The following FGD3 variants were observed in gnomAD, a reference collection of about 807,000 sequenced individuals.
FGD3 encodes FYVE, RhoGEF and PH domain-containing protein 3.
A neutral mutation model predicts 71.8 loss-of-function variants in FGD3; 45 were observed. That is an observed-to-expected ratio of 0.63 (90% CI 0.49 to 0.80). The LOEUF (loss-of-function observed/expected upper bound fraction) is 0.80. Ranked by LOEUF, FGD3 falls within the 30% of genes least tolerant of loss-of-function variation. The pLI, the probability that FGD3 is intolerant of heterozygous loss-of-function variation, is 0.00. For synonymous variants in FGD3, 378 were observed against 392.8 expected, an observed-to-expected ratio of 0.96 and a Z score of 0.44; for missense variants, 844 against 951.5, an observed-to-expected ratio of 0.89 and a Z score of 1.49.
At chr9:93,011,018 A>C (rs921100921) in intron 7 of FGD3, among the ~76,000 whole-genome samples, 196 bp from the exon 8 acceptor site, 4 of 151,952 alleles carry the variant, frequency 2.6e-5, no homozygotes, top group Non-Finnish European at 4.4e-5. Context: ...TTGGCCCCAG[A>C]AGGGATGTGT....
intron 1 of FGD3, among the ~76,000 whole-genome samples, chr9:92,968,211 C>T (rs1335263312): frequency 6.6e-6 from 1 of 152,116 alleles, no homozygotes; most frequent in Non-Finnish European, 1.5e-5. Context: ...ACAGTCACAG[C>T]GTCATGCCAG....
At position 92,993,744 on chromosome 9, in the gene FGD3, C is replaced by T. The variant is rs866403317; in HGVS notation, c.454-9181C>T. 4.7e-4 allele frequency among the ~76,000 whole-genome samples: 71 copies of T among 152,158 alleles called. 1 individual carries two copies. Among genetic ancestry groups the T allele is most frequent in the Non-Finnish European group, 2.4e-4 (16 of 68,036 alleles). ...GGTTTTCCGTCCTTGCGATAGTTTG[C>T]TCAGAATGATGGTTTCCAGCTTCAT... On this transcript the variant is annotated intron_variant, in intron 3 of 17. Coordinates refer to ENST00000375482, the MANE Select transcript of FGD3 (RefSeq NM_001083536.2).
At chr9:93,015,473 GT>G (rs902240640) in intron 9 of FGD3, among the ~76,000 whole-genome samples, 71 of 151,158 alleles carry the variant, frequency 4.7e-4, no homozygotes, top group African/African-American at 1.6e-3. Flanking sequence ...ATAAAAAAAG[GT>G]TTTTTTTTAA....
chr9:93,006,472 AC>A (rs1861059549), intron 6 of FGD3, among the ~76,000 whole-genome samples: 1 of 152,158 alleles, frequency 6.6e-6, no homozygotes, highest in African/African-American at 2.4e-5. Flanking sequence ...ATCTGATGGA[AC>A]CTGAATTCAA....
intron 5 of FGD3, 31 bp downstream of exon 5, chr9:93,004,168 C>A (rs1317672303): frequency 2.5e-6 from 4 of 1,610,640 alleles, no homozygotes; most frequent in Admixed American, 3.3e-5. Flanking sequence ...CCCATGGGGC[C>A]CCTCAAGTGT....
intron 9 of FGD3, 111 bp from the exon 10 acceptor site, chr9:93,015,626 C>T (rs1861645278): frequency 2.9e-6 from 2 of 696,938 alleles, no homozygotes; most frequent in Non-Finnish European, 5.0e-6. Context: ...ATATTTTTCA[C>T]TTTATAACAT....
chr9:92,957,429 T>G (rs568509406), intron 1 of FGD3, among the ~76,000 whole-genome samples: 11 of 152,198 alleles, frequency 7.2e-5, no homozygotes, highest in Non-Finnish European at 5.9e-5. Flanking sequence ...CATTCCTCAG[T>G]GTGGTTTTTA....
In FGD3 at chr9:93,034,594, G is replaced by A. The variant is rs1337289327; in HGVS notation, c.1839G>A (p.Leu613=). ...GCCTGCTCTGCGGCCCCCTGCGGCTGTCAGAGAGCGGTGAGACCTGGAGCG... is the reference window on the plus strand; with the variant it reads ...GCCTGCTCTGCGGCCCCCTGCGGCTATCAGAGAGCGGTGAGACCTGGAGCG... ...QPSLLCGPLR[L]SESGETWSEV... is the part of the protein sequence containing the mutation. The change falls in exon 17 of 18, where the codon CTG becomes CTA. Residue 613 remains leucine, a synonymous_variant. Coordinates refer to ENST00000375482, the MANE Select transcript of FGD3 (RefSeq NM_001083536.2). 12 of 1,613,422 alleles carry A rather than the reference G, an allele frequency of 7.4e-6. No homozygotes were observed. Among genetic ancestry groups the A allele is most frequent in the Non-Finnish European group, 1.0e-5 (12 of 1,179,890 alleles).
chr9:92,970,277 A>C (rs1384198458), intron 1 of FGD3, among the ~76,000 whole-genome samples: 3 of 152,224 alleles, frequency 2.0e-5, no homozygotes, highest in Non-Finnish European at 4.4e-5. Flanking sequence ...ATGGGTGTGC[A>C]TGGGTGTACT....
At chr9:93,009,857 G>A (rs943490707) in intron 6 of FGD3, among the ~76,000 whole-genome samples, 3 of 152,240 alleles carry the variant, frequency 2.0e-5, no homozygotes, top group Non-Finnish European at 4.4e-5. Context: ...ATGGTTGGGC[G>A]AAGCTCTGCC....
intron 14 of FGD3, among the ~76,000 whole-genome samples, chr9:93,026,619 G>T (rs572163220): frequency 1.3e-5 from 2 of 152,190 alleles, no homozygotes; most frequent in African/African-American, 4.8e-5. Context: ...TGGGACTCCC[G>T]GCACTGCCTC....
intron 14 of FGD3, among the ~76,000 whole-genome samples, chr9:93,027,106 T>C (rs1013335290): frequency 3.9e-5 from 6 of 152,198 alleles, no homozygotes; most frequent in African/African-American, 1.4e-4. Context: ...GCAAGGCCCA[T>C]TCAACAGAGG....
chr9:92,980,448 G>T (rs571934501), intron 3 of FGD3, among the ~76,000 whole-genome samples: 1 of 151,984 alleles, frequency 6.6e-6, no homozygotes, highest in African/African-American at 2.4e-5. Context: ...AATGTATATA[G>T]ATATCTCTAT....
intron 3 of FGD3, among the ~76,000 whole-genome samples, chr9:92,997,521 G>A (rs1395433994): frequency 2.0e-5 from 3 of 152,156 alleles, no homozygotes; most frequent in Non-Finnish European, 4.4e-5. Flanking sequence ...TCATTATGAT[G>A]TTAGCTGGTT....
chr9:92,965,462 G>A (rs1859286949), intron 1 of FGD3, among the ~76,000 whole-genome samples: 1 of 152,238 alleles, frequency 6.6e-6, no homozygotes. Flanking sequence ...GACCAGCTGG[G>A]TGTGAAAGGG....
At chr9:93,013,468 G>A (rs1420093020) in intron 8 of FGD3, among the ~76,000 whole-genome samples, 1 of 152,226 alleles carries the variant, frequency 6.6e-6, no homozygotes, top group Non-Finnish European at 1.5e-5. Flanking sequence ...TCAGGGGAAG[G>A]TGACATATGG....
chr9:93,002,881 A>G (rs1382882996), intron 3 of FGD3, 44 bp from the exon 4 acceptor site: 1 of 1,594,886 alleles, frequency 6.3e-7, no homozygotes, highest in Non-Finnish European at 8.6e-7. Context: ...CCGATTCCCC[A>G]AGGCTCATCT....
intron 3 of FGD3, among the ~76,000 whole-genome samples, chr9:92,987,454 G>GA (rs1337974731): frequency 2.7e-5 from 4 of 150,102 alleles, no homozygotes; most frequent in Admixed American, 2.7e-4. Context: ...AAGAAAGAAA[G>GA]AAAAAAAAGA....
chr9:92,996,215 A>G (rs1860637232), intron 3 of FGD3, among the ~76,000 whole-genome samples: 1 of 152,052 alleles, frequency 6.6e-6, no homozygotes, highest in Non-Finnish European at 1.5e-5. Flanking sequence ...GGAGGGTGTT[A>G]TGTGTCCAGG....
Sources: allele counts gnomAD v4.1 joint callset (sites outside exome capture counted in the v4.1 genomes callset), GRCh38; gene constraint gnomAD v4.1.1; transcripts MANE v1.5; gene names NCBI Gene and HGNC (gene_info 2026-07-23, HGNC 2026-07-21).